RCAN2: variants seen among roughly 807,000 people sequenced by gnomAD.
RCAN2 encodes the protein regulator of calcineurin 2.
Under a neutral mutation model 23.6 loss-of-function variants are expected in RCAN2, and 9 were observed. That is an observed-to-expected ratio of 0.38 (90% CI 0.23 to 0.67). The LOEUF is 0.67. Ranked by LOEUF, RCAN2 falls within the 30% of genes least tolerant of loss-of-function variation. The pLI is 0.51. For missense variants in RCAN2, 273 were observed against 302.3 expected, an observed-to-expected ratio of 0.90 and a Z score of 0.72; for synonymous variants, 109 against 115.7, an observed-to-expected ratio of 0.94 and a Z score of 0.37.
intron 2 of RCAN2, among the ~76,000 whole-genome samples, chr6:46,252,393 C>A (rs756865412): frequency 4.6e-5 from 7 of 152,198 alleles, no homozygotes; most frequent in Non-Finnish European, 8.8e-5. Context: ...TTATTAATTT[C>A]TCCTCGATCG....
intron 1 of RCAN2, among the ~76,000 whole-genome samples, chr6:46,480,873 C>T (rs1768840801): frequency 2.0e-5 from 3 of 152,198 alleles, no homozygotes; most frequent in Middle Eastern, 3.2e-3. Flanking sequence ...ACGCCCGCCT[C>T]GGCCTCCCAA....
intron 2 of RCAN2, among the ~76,000 whole-genome samples, chr6:46,362,898 A>G (rs1765057417): frequency 6.6e-6 from 1 of 152,176 alleles, no homozygotes; most frequent in Non-Finnish European, 1.5e-5. Context: ...ATGAAGCATT[A>G]ATGATATGCA....
chr6:46,356,318 CTTG>C (rs1764830439), intron 2 of RCAN2, among the ~76,000 whole-genome samples: 1 of 152,164 alleles, frequency 6.6e-6, no homozygotes, highest in African/African-American at 2.4e-5. Context: ...ATGGGCCTCT[CTTG>C]ATACCTGCTC....
chr6:46,240,710 C>G (rs896930556), intron 4 of RCAN2, among the ~76,000 whole-genome samples: 2 of 152,142 alleles, frequency 1.3e-5, no homozygotes, highest in Non-Finnish European at 2.9e-5. Context: ...ATTTTAAAAA[C>G]TGAATTTTTT....
chr6:46,344,997 C>T (rs1243412814), intron 2 of RCAN2, among the ~76,000 whole-genome samples: 5 of 149,484 alleles, frequency 3.3e-5, no homozygotes, highest in Admixed American at 1.4e-4. Flanking sequence ...TTTATAAATA[C>T]ATGTGATATC....
chr6:46,410,696 G>A (rs1478149535), intron 2 of RCAN2, among the ~76,000 whole-genome samples: 1 of 152,150 alleles, frequency 6.6e-6, no homozygotes, highest in Non-Finnish European at 1.5e-5. Context: ...GGAATAACCT[G>A]CAGGAAATAT....
intron 2 of RCAN2, among the ~76,000 whole-genome samples, chr6:46,257,444 T>G (rs1049978378): frequency 6.6e-6 from 1 of 152,162 alleles, no homozygotes; most frequent in African/African-American, 2.4e-5. Flanking sequence ...GAAAAGAAGT[T>G]TAATTGACTC....
At chr6:46,224,835 A>G (rs1258213479) in intron 4 of RCAN2, among the ~76,000 whole-genome samples, 1 of 151,980 alleles carries the variant, frequency 6.6e-6, no homozygotes, top group African/African-American at 2.4e-5. Flanking sequence ...CATGTGCACA[A>G]TGTGCAGGTT....
chr6:46,450,764 G>A (rs1248055898), intron 2 of RCAN2, among the ~76,000 whole-genome samples: 2 of 152,102 alleles, frequency 1.3e-5, no homozygotes, highest in Middle Eastern at 3.4e-3. Flanking sequence ...GAGTAGAATG[G>A]TACTTACCAG....
At chr6:46,400,828 G>T (rs1766227967) in intron 2 of RCAN2, among the ~76,000 whole-genome samples, 1 of 152,162 alleles carries the variant, frequency 6.6e-6, no homozygotes, top group Admixed American at 6.5e-5. Flanking sequence ...GAATGGCTGG[G>T]TCTCTATCTT....
At chr6:46,235,161 G>T (rs576785163) in intron 4 of RCAN2, among the ~76,000 whole-genome samples, 2 of 152,290 alleles carry the variant, frequency 1.3e-5, no homozygotes, top group East Asian at 3.9e-4. Flanking sequence ...ACAAGGTAAA[G>T]GTAGAGAGAT....
intron 2 of RCAN2, among the ~76,000 whole-genome samples, chr6:46,420,104 C>T (rs1194246587): frequency 2.6e-5 from 4 of 151,672 alleles, no homozygotes; most frequent in African/African-American, 4.8e-5. Context: ...ACCAGTTTTC[C>T]TATGAAGTTA....
intron 2 of RCAN2, among the ~76,000 whole-genome samples, chr6:46,281,575 A>C (rs1460124254): frequency 6.6e-6 from 1 of 152,254 alleles, no homozygotes; most frequent in African/African-American, 2.4e-5. Context: ...CCAGTGATGT[A>C]GCAGCTTTCA....
At chr6:46,490,918 AG>A (rs1202009938) in intron 1 of RCAN2, among the ~76,000 whole-genome samples, 9 of 151,612 alleles carry the variant, frequency 5.9e-5, no homozygotes, top group Non-Finnish European at 1.2e-4. Context: ...CGCCCCCTAG[AG>A]GGGGGTCGCG....
chr6:46,251,462 G>A (rs1244527329), intron 2 of RCAN2, among the ~76,000 whole-genome samples: 1 of 152,160 alleles, frequency 6.6e-6, no homozygotes, highest in African/African-American at 2.4e-5. Context: ...TTTAAGGACA[G>A]AATCCTTGGG....
intron 2 of RCAN2, among the ~76,000 whole-genome samples, chr6:46,349,665 C>G (rs948781635): frequency 1.3e-5 from 2 of 152,036 alleles, no homozygotes; most frequent in Non-Finnish European, 2.9e-5. Flanking sequence ...CACTCACTTA[C>G]ATCCAACCCA....
rs1561877011 is a variant in RCAN2 at position 46,367,053 on chromosome 6, A to ATATATATATATATATATATATATATATC, written c.225+89698_225+89699insGATATATATATATATATATATATATATA. On this transcript the variant is annotated intron_variant, in intron 2 of 4. Transcript: ENST00000371374. ...TATATATATATATATATATATATAT[A>ATATATATATATATATATATATATATATC]TCCTAGCTGATGGTCCAACAATTAT... Among the ~76,000 whole-genome samples the ATATATATATATATATATATATATATATC allele has an allele frequency of 1.6e-5, 2 of 126,372 alleles. 1 individual carries two copies. Among genetic ancestry groups the ATATATATATATATATATATATATATATC allele is most frequent in the Admixed American group, 1.7e-4 (2 of 11,960 alleles). The allele number at this position is 126,372 out of a possible 152,430, so 82.9% of individuals were successfully genotyped here.
intron 1 of RCAN2, among the ~76,000 whole-genome samples, chr6:46,465,234 GAC>G (rs1165805664): frequency 6.6e-6 from 1 of 152,088 alleles, no homozygotes; most frequent in Non-Finnish European, 1.5e-5. Context: ...TGTTCTTAAA[GAC>G]AGAAAAACCT....
intron 1 of RCAN2, among the ~76,000 whole-genome samples, chr6:46,488,237 C>A (rs1769047212): frequency 6.6e-6 from 1 of 152,216 alleles, no homozygotes; most frequent in Non-Finnish European, 1.5e-5. Context: ...GCACGTCTTA[C>A]AAACTGTGTG....
Sources: gnomAD v4.1 joint callset for allele counts (sites outside exome capture counted in the v4.1 genomes callset) on GRCh38, gnomAD v4.1.1 for gene constraint, MANE v1.5 for transcripts, NCBI Gene and HGNC (gene_info 2026-07-23, HGNC 2026-07-21) for gene names.